DRD2: variants seen among roughly 807,000 people sequenced by gnomAD.
DRD2 encodes the protein D(2) dopamine receptor.
In DRD2, 8 loss-of-function variants were observed where a neutral mutation model predicts 38.0. That is an observed-to-expected ratio of 0.21 (90% CI 0.12 to 0.38). The LOEUF (loss-of-function observed/expected upper bound fraction) is 0.38. DRD2 is among the 10% of genes least tolerant of loss of function. DRD2 has a pLI of 1.00. For synonymous variants in DRD2, 230 were observed against 238.6 expected, an observed-to-expected ratio of 0.96 and a Z score of 0.33; for missense variants, 403 against 607.7, an observed-to-expected ratio of 0.66 and a Z score of 3.54.
rs1950886822 is a variant in DRD2 at position 113,421,794 on chromosome 11, G to A, written c.285+2573C>T. Among the ~76,000 whole-genome samples, 3 of 152,168 alleles carry A rather than the reference G, an allele frequency of 2.0e-5. No individual in the cohort carries two copies. In the South Asian group the frequency reaches 6.2e-4, roughly 32 times the overall value. The stretch of plus-strand genomic sequence containing the variant: ...CAGGGCAGGGTGAGACGTCACCTGG[G>A]ACGTTCTCTAGGGACAACAAATCGC... On this transcript the variant is annotated intron_variant, in intron 2 of 7. Transcript: ENST00000362072.
At chr11:113,415,699 C>G in intron 4 of DRD2, 88 bp from the exon 5 acceptor site, 1 of 1,446,124 alleles carries the variant, frequency 6.9e-7, no homozygotes, top group South Asian at 1.3e-5. Context: ...CTTCCAGGAA[C>G]AAGGAGCGAT....
chr11:113,411,747 T>C (rs1950771817), intron 7 of DRD2: 1 of 152,340 alleles, frequency 6.6e-6, no homozygotes, highest in Non-Finnish European at 1.5e-5. Flanking sequence ...AGTAGTCCCA[T>C]GGGATCAAGT....
chr11:113,447,206 G>A (rs893002901), intron 1 of DRD2, among the ~76,000 whole-genome samples: 2 of 152,152 alleles, frequency 1.3e-5, no homozygotes, highest in Non-Finnish European at 2.9e-5. Context: ...TGGGCTGCAC[G>A]GCCACACTCT....
chr11:113,468,915 C>T (rs1342472809), intron 1 of DRD2, among the ~76,000 whole-genome samples: 1 of 152,202 alleles, frequency 6.6e-6, no homozygotes, highest in East Asian at 1.9e-4. Flanking sequence ...CCCAGGCCAT[C>T]CCGCCCTCAC....
chr11:113,467,697 C>T (rs759918899), intron 1 of DRD2, among the ~76,000 whole-genome samples: 18 of 152,142 alleles, frequency 1.2e-4, no homozygotes, highest in Non-Finnish European at 2.4e-4. Context: ...AGACACAGAG[C>T]CCAGGAAACC....
At chr11:113,429,303 G>A (rs1950965677) in intron 1 of DRD2, among the ~76,000 whole-genome samples, 1 of 152,026 alleles carries the variant, frequency 6.6e-6, no homozygotes, top group African/African-American at 2.4e-5. Context: ...GGAGTGCAGT[G>A]GGGCTATCTC....
At chr11:113,451,562 G>A (rs1157552144) in intron 1 of DRD2, among the ~76,000 whole-genome samples, 1 of 152,082 alleles carries the variant, frequency 6.6e-6, no homozygotes, top group Non-Finnish European at 1.5e-5. Flanking sequence ...CACAATCTTG[G>A]CTCACTGCTA....
intron 1 of DRD2, among the ~76,000 whole-genome samples, chr11:113,469,615 C>T (rs1006087179): frequency 6.6e-6 from 1 of 152,092 alleles, no homozygotes; most frequent in Non-Finnish European, 1.5e-5. Context: ...GCAGGAGGAT[C>T]GTTTGAAGCC....
chr11:113,431,909 C>T (rs769359154), intron 1 of DRD2, among the ~76,000 whole-genome samples: 2 of 152,232 alleles, frequency 1.3e-5, no homozygotes, highest in Non-Finnish European at 2.9e-5. Context: ...CCCAGGCTGC[C>T]CCAGGCAGGC....
intron 3 of DRD2, among the ~76,000 whole-genome samples, chr11:113,417,663 T>C (rs1950840146): frequency 6.6e-6 from 1 of 152,158 alleles, no homozygotes; most frequent in Non-Finnish European, 1.5e-5. Context: ...GTCATCAATG[T>C]AGGTTTCTAG....
chr11:113,472,240 C>T (rs1169323223), intron 1 of DRD2, among the ~76,000 whole-genome samples: 2 of 152,240 alleles, frequency 1.3e-5, no homozygotes, highest in Admixed American at 6.5e-5. Flanking sequence ...TTTGTTAACA[C>T]TAAAATGTAA....
intron 1 of DRD2, among the ~76,000 whole-genome samples, chr11:113,444,427 G>A (rs189821087): frequency 2.1e-3 from 313 of 152,304 alleles, no homozygotes; most frequent in Non-Finnish European, 3.6e-3. Context: ...TGAAATGATT[G>A]GAGTATCATT....
intron 1 of DRD2, among the ~76,000 whole-genome samples, chr11:113,426,771 C>G (rs543841100): frequency 1.3e-5 from 2 of 152,210 alleles, no homozygotes; most frequent in African/African-American, 4.8e-5. Flanking sequence ...AATGCCACCA[C>G]GCAGCAAATC....
chr11:113,434,087 A>G (rs1420092601), intron 1 of DRD2, among the ~76,000 whole-genome samples: 6 of 152,052 alleles, frequency 3.9e-5, no homozygotes, highest in Admixed American at 6.6e-5. Flanking sequence ...CCCTTCTCCA[A>G]GGAAGCCTTC....
Position 113,418,024 on chromosome 11 carries a change from C to G in DRD2, c.395+3G>C, listed in dbSNP as rs762292044. 6.2e-7 allele frequency: 1 copy of G among 1,613,864 alleles called. No individual in the cohort carries two copies. The highest frequency in any genetic ancestry group is 8.5e-7 in the Non-Finnish European group (1 of 1,179,848). On this transcript the variant is annotated splice_donor_region_variant and intron_variant, in intron 3 of 7. Transcript: ENST00000362072. ...CAACCTCTTCCACCCTGGCTGGGCT[C>G]ACCTGTCGATGCTGATGGCACACAA... is the stretch of plus-strand genomic sequence containing the variant.
chr11:113,424,898 T>A lies in DRD2; in HGVS notation c.-31-216A>T, dbSNP rs561096671. On this transcript the variant is annotated intron_variant, in intron 1 of 7. Transcript: ENST00000362072. ...GGACAAATGAGCAAACACAATTTTT[T>A]AAAAATGCATAATAAGATGAGCTTG... 4.4e-4 allele frequency: 249 copies of A among 566,838 alleles called. 2 individuals carry two copies. Among genetic ancestry groups the A allele is most frequent in the African/African-American group, 3.7e-3 (196 of 53,378 alleles). The allele number at this position is 566,838 out of a possible 1,614,324, so 35.1% of individuals were successfully genotyped here.
At chr11:113,454,897 C>T (rs1951253954) in intron 1 of DRD2, among the ~76,000 whole-genome samples, 1 of 152,182 alleles carries the variant, frequency 6.6e-6, no homozygotes. Context: ...GCAGTCTCTT[C>T]AATGAGAGGT....
At chr11:113,419,716 C>A (rs934397190) in intron 2 of DRD2, among the ~76,000 whole-genome samples, 4 of 152,188 alleles carry the variant, frequency 2.6e-5, no homozygotes. Context: ...CTTCGTGTCA[C>A]CGTGTAGCTT....
Position 113,416,927 on chromosome 11 carries a change from G to T in DRD2, c.468C>A (p.Ile156=). ...TGAAGGACAGGACCCAGACGATGGAGATCATGACGGTGACCCGGCGCTTGG... is the reference window on the plus strand; with the variant it reads ...TGAAGGACAGGACCCAGACGATGGATATCATGACGGTGACCCGGCGCTTGG... The part of the protein sequence containing the change: ...YSSKRRVTVM[I]SIVWVLSFTI... Residue 156 remains isoleucine, a synonymous_variant, in exon 4 of 8, where the codon ATC becomes ATA. Transcript: ENST00000362072. The T allele has an allele frequency of 6.2e-7, 1 of 1,614,214 alleles. No individual in the cohort carries two copies. Among genetic ancestry groups the T allele is most frequent in the African/African-American group, 1.3e-5 (1 of 75,078 alleles).
Sources: allele counts gnomAD v4.1 joint callset (sites outside exome capture counted in the v4.1 genomes callset), GRCh38; gene constraint gnomAD v4.1.1; transcripts MANE v1.5; gene names NCBI Gene and HGNC (gene_info 2026-07-23, HGNC 2026-07-21).